The following SLC2A9 variants were observed in gnomAD, a reference collection of about 807,000 sequenced individuals.
SLC2A9 encodes solute carrier family 2, facilitated glucose transporter member 9.
Under a neutral mutation model 50.6 loss-of-function variants are expected in SLC2A9, and 39 were observed. The ratio of observed to expected loss-of-function variants is 0.77; its 90% confidence interval spans 0.60 to 1.01. The LOEUF (loss-of-function observed/expected upper bound fraction) is 1.01, where lower values mean the gene tolerates loss of function less well. SLC2A9 is among the 50% of genes least tolerant of loss of function. SLC2A9 has a pLI of 0.00. For synonymous variants in SLC2A9, 324 were observed against 276.9 expected (o/e 1.17, Z -1.69); for missense variants, 686 against 677.6 (o/e 1.01, Z -0.14).
chr4:9,855,715 C>G (rs542332977), intron 10 of SLC2A9, among the ~76,000 whole-genome samples: 1 of 152,272 alleles, frequency 6.6e-6, no homozygotes, highest in Admixed American at 6.5e-5. Flanking sequence ...TCAAACTATA[C>G]TACAAGGCTA....
At chr4:9,994,283 T>C (rs1205025681) in intron 3 of SLC2A9, among the ~76,000 whole-genome samples, 3 of 152,232 alleles carry the variant, frequency 2.0e-5, no homozygotes, top group Admixed American at 1.3e-4. Flanking sequence ...AAATGATATA[T>C]GGGATGTCAA....
chr4:9,890,550 TGAAGCCA>T, intron 9 of SLC2A9, 53 bp downstream of exon 9: 1 of 1,525,946 alleles, frequency 6.6e-7, no homozygotes, highest in South Asian at 1.1e-5. Flanking sequence ...CCCAAAACGA[TGAAGCCA>T]GAAGTCAGCT....
chr4:9,787,041 C>G (rs1719316780), intron 3 of SLC2A9, among the ~76,000 whole-genome samples: 1 of 152,204 alleles, frequency 6.6e-6, no homozygotes, highest in Non-Finnish European at 1.5e-5. Flanking sequence ...CTCCAGTGCC[C>G]TGAGTTTGAA....
intron 7 of SLC2A9, among the ~76,000 whole-genome samples, chr4:9,913,878 A>T (rs1742364263): frequency 6.6e-6 from 1 of 152,124 alleles, no homozygotes; most frequent in Admixed American, 6.5e-5. Flanking sequence ...TTTCATCCCC[A>T]TCTGGTTCTT....
chr4:9,885,994 T>C (rs1478914356), intron 10 of SLC2A9, among the ~76,000 whole-genome samples: 1 of 152,224 alleles, frequency 6.6e-6, no homozygotes, highest in Non-Finnish European at 1.5e-5. Flanking sequence ...CCAACATGCC[T>C]GTGAACAATG....
intron 10 of SLC2A9, among the ~76,000 whole-genome samples, chr4:9,883,619 T>C (rs898808737): frequency 6.6e-6 from 1 of 152,190 alleles, no homozygotes; most frequent in African/African-American, 2.4e-5. Flanking sequence ...ACTGAGCAAG[T>C]GCGGCAAGGA....
Position 9,891,344 on chromosome 4 carries a change from C to A in SLC2A9, c.1114-633G>T, listed in dbSNP as rs550007896. Among the ~76,000 whole-genome samples the A allele has an allele frequency of 2.0e-5, 3 of 152,284 alleles. No homozygotes were observed. The South Asian group carries it at 6.2e-4, about 32-fold the overall frequency. On this transcript the variant is annotated intron_variant, in intron 8 of 11. Transcript: ENST00000264784. ...TGGTCAGGAAACAGCTCCTCAACTG[C>A]CAATGACTGAAAGAGTAATTGTAGC...
chr4:9,947,865 G>A (rs2108817272), intron 5 of SLC2A9, among the ~76,000 whole-genome samples: 1 of 152,256 alleles, frequency 6.6e-6, no homozygotes, highest in South Asian at 2.1e-4. Context: ...TCTGGTGCAG[G>A]CTGTCCCCTC....
intron 11 of SLC2A9, among the ~76,000 whole-genome samples, chr4:9,827,227 AG>A (rs1725293185): frequency 6.6e-6 from 1 of 152,242 alleles, no homozygotes; most frequent in Non-Finnish European, 1.5e-5. Flanking sequence ...TGAGCTTCTC[AG>A]TGACTCAGTC....
chr4:9,784,943 TAATA>T (rs533221455), intron 3 of SLC2A9, among the ~76,000 whole-genome samples: 2 of 152,362 alleles, frequency 1.3e-5, no homozygotes, highest in East Asian at 3.9e-4. Context: ...ACATAGTGCT[TAATA>T]AATATTTGTT....
chr4:10,005,961 G>A (rs1319961427), intron 2 of SLC2A9, among the ~76,000 whole-genome samples: 1 of 152,194 alleles, frequency 6.6e-6, no homozygotes, highest in African/African-American at 2.4e-5. Context: ...TTACTGTGAA[G>A]ATTTAATGAG....
intron 3 of SLC2A9, among the ~76,000 whole-genome samples, chr4:9,785,853 G>A (rs975604777): frequency 3.3e-5 from 5 of 152,194 alleles, no homozygotes; most frequent in Non-Finnish European, 7.3e-5. Flanking sequence ...ATAACGCCAG[G>A]CAGGGGTAAT....
chr4:9,881,985 C>T (rs1228498432), intron 10 of SLC2A9, among the ~76,000 whole-genome samples: 1 of 152,190 alleles, frequency 6.6e-6, no homozygotes. Flanking sequence ...GACTTCATTT[C>T]AAAACCAAGT....
intron 5 of SLC2A9, among the ~76,000 whole-genome samples, chr4:9,956,443 A>G (rs975370383): frequency 3.9e-5 from 6 of 151,982 alleles, no homozygotes; most frequent in Admixed American, 3.9e-4. Context: ...TCGTGCCACT[A>G]CACTCCAGCC....
At chr4:9,807,610 G>A (rs1722297206) in intron 3 of SLC2A9, among the ~76,000 whole-genome samples, 1 of 152,168 alleles carries the variant, frequency 6.6e-6, no homozygotes, top group Non-Finnish European at 1.5e-5. Context: ...CCAACTGAAT[G>A]GCATTGCTGA....
chr4:9,964,744 T>A (rs1229975004), intron 5 of SLC2A9, among the ~76,000 whole-genome samples: 2 of 152,150 alleles, frequency 1.3e-5, no homozygotes, highest in African/African-American at 4.8e-5. Flanking sequence ...ACACTTAGGG[T>A]CTGGATGAGA....
chr4:9,787,937 T>C (rs1056559758), intron 3 of SLC2A9, among the ~76,000 whole-genome samples: 3 of 152,254 alleles, frequency 2.0e-5, no homozygotes, highest in Non-Finnish European at 4.4e-5. Flanking sequence ...TTACTCTTTA[T>C]AATTAATATG....
chr4:9,804,605 C>G (rs1221204277), intron 3 of SLC2A9, among the ~76,000 whole-genome samples: 2 of 152,180 alleles, frequency 1.3e-5, no homozygotes, highest in Admixed American at 1.3e-4. Flanking sequence ...CTCCTCTCCT[C>G]CCACCAGGAT....
At chr4:9,831,285 C>A (rs1726102502) in intron 11 of SLC2A9, among the ~76,000 whole-genome samples, 1 of 152,018 alleles carries the variant, frequency 6.6e-6, no homozygotes, top group African/African-American at 2.4e-5. Context: ...GAAATGAGGT[C>A]ATTAGGGTGG....
Sources: gnomAD v4.1 joint callset for allele counts (sites outside exome capture counted in the v4.1 genomes callset) on GRCh38, gnomAD v4.1.1 for gene constraint, MANE v1.5 for transcripts, NCBI Gene and HGNC (gene_info 2026-07-23, HGNC 2026-07-21) for gene names.